Variants in MAGI2 observed in about 807,000 individuals in gnomAD.
The protein encoded by MAGI2 is membrane associated guanylate kinase, WW and PDZ domain containing 2, also known as membrane-associated guanylate kinase, WW and PDZ domain-containing protein 2.
Under a neutral mutation model 133.3 loss-of-function variants are expected in MAGI2, and 35 were observed. The ratio of observed to expected loss-of-function variants is 0.26; its 90% CI spans 0.20 to 0.35. The LOEUF is 0.35. Among genes scored for constraint, MAGI2 ranks in the 10% least tolerant of loss-of-function variants. The pLI is 1.00. For missense variants in MAGI2, 1,636 were observed against 1,863.4 expected (o/e 0.88, Z 2.25); for synonymous variants, 729 against 710.6 (o/e 1.03, Z -0.41).
At chr7:79,338,044 C>T (rs185969407) in intron 1 of MAGI2, among the ~76,000 whole-genome samples, 2 of 151,828 alleles carry the variant, frequency 1.3e-5, no homozygotes, top group Non-Finnish European at 2.9e-5. Context: ...GTTTGGCATG[C>T]GGTAAATGCT....
intron 1 of MAGI2, among the ~76,000 whole-genome samples, chr7:79,149,948 A>C (rs1171763544): frequency 6.6e-6 from 1 of 152,168 alleles, no homozygotes; most frequent in East Asian, 1.9e-4. Context: ...ATATTAAGCA[A>C]TAGGAGAGCT....
At chr7:78,124,709 G>A (rs1820797587) in intron 20 of MAGI2, among the ~76,000 whole-genome samples, 1 of 152,010 alleles carries the variant, frequency 6.6e-6, no homozygotes, top group African/African-American at 2.4e-5. Flanking sequence ...AACACACAGA[G>A]AGAGTAAAGA....
intron 2 of MAGI2, among the ~76,000 whole-genome samples, chr7:78,856,730 T>C (rs1182479985): frequency 1.3e-5 from 2 of 152,196 alleles, no homozygotes; most frequent in Non-Finnish European, 2.9e-5. Flanking sequence ...GTCTTGGCAA[T>C]GTGGGCTCTT....
intron 1 of MAGI2, among the ~76,000 whole-genome samples, chr7:79,013,167 T>G (rs907274874): frequency 1.3e-5 from 2 of 152,076 alleles, no homozygotes; most frequent in African/African-American, 4.8e-5. Flanking sequence ...AATTTGGGAT[T>G]TCTTTTGGTA....
At chr7:79,068,522 A>G (rs1309804935) in intron 1 of MAGI2, among the ~76,000 whole-genome samples, 3 of 151,706 alleles carry the variant, frequency 2.0e-5, no homozygotes, top group African/African-American at 4.9e-5. Context: ...TATTTTGTTG[A>G]TCTTTTCAAA....
intron 6 of MAGI2, among the ~76,000 whole-genome samples, chr7:78,387,969 T>TAAATA (rs2151307478): frequency 8.6e-6 from 1 of 116,330 alleles, no homozygotes; most frequent in South Asian, 2.6e-4. Flanking sequence ...AATAAATAAA[T>TAAATA]AAATAAAATA....
intron 1 of MAGI2, among the ~76,000 whole-genome samples, chr7:79,151,324 A>G (rs997991440): frequency 6.6e-6 from 1 of 152,210 alleles, no homozygotes; most frequent in Non-Finnish European, 1.5e-5. Flanking sequence ...ATTATATCAA[A>G]AGATGAACAA....
chr7:79,136,610 T>G (rs1019243198), intron 1 of MAGI2, among the ~76,000 whole-genome samples: 2 of 152,198 alleles, frequency 1.3e-5, no homozygotes, highest in Non-Finnish European at 2.9e-5. Flanking sequence ...ATGGCAAATA[T>G]TACCTCTTCT....
chr7:78,622,686 A>G (rs1807876691), intron 3 of MAGI2, among the ~76,000 whole-genome samples: 1 of 151,994 alleles, frequency 6.6e-6, no homozygotes, highest in African/African-American at 2.4e-5. Flanking sequence ...AAATGCAGCA[A>G]TTTTTATTGG....
chr7:78,511,980 G>T (rs1476917449), intron 4 of MAGI2, among the ~76,000 whole-genome samples: 2 of 151,742 alleles, frequency 1.3e-5, no homozygotes, highest in Admixed American at 1.3e-4. Flanking sequence ...AACATTAGCC[G>T]GGGGTGGTGG....
chr7:78,952,589 C>T (rs755082051), intron 2 of MAGI2, among the ~76,000 whole-genome samples: 4 of 152,022 alleles, frequency 2.6e-5, no homozygotes, highest in Non-Finnish European at 5.9e-5. Context: ...GCAGTTGAAA[C>T]AAATATTTTA....
At chr7:78,509,044 C>G (rs886339759) in intron 4 of MAGI2, among the ~76,000 whole-genome samples, 3 of 152,042 alleles carry the variant, frequency 2.0e-5, no homozygotes, top group African/African-American at 7.2e-5. Flanking sequence ...ACTGCTAAAA[C>G]GAACAGACTT....
Position 78,639,545 on chromosome 7 carries a change from T to C in MAGI2, c.419-12306A>G, listed in dbSNP as rs6969199. 5.1e-3 allele frequency among the ~76,000 whole-genome samples: 774 copies of C among 152,332 alleles called. 9 individuals carry two copies. The highest frequency in any genetic ancestry group is 0.018 in the African/African-American group (740 of 41,574). ...CTTATGTTCACGATACTAGCTATTA[T>C]ATTAGTTGATATTTTATCACACTAA... On this transcript the variant is annotated intron_variant, in intron 2 of 21. Transcript: ENST00000354212.
intron 20 of MAGI2, among the ~76,000 whole-genome samples, chr7:78,112,441 CTTAG>C (rs1057331772): frequency 1.4e-4 from 22 of 152,242 alleles, no homozygotes; most frequent in Admixed American, 1.0e-3. Context: ...TCTGCAAAAT[CTTAG>C]TTAGGCATAT....
intron 9 of MAGI2, among the ~76,000 whole-genome samples, chr7:78,302,606 C>T (rs527277536): frequency 1.3e-5 from 2 of 152,318 alleles, no homozygotes; most frequent in South Asian, 4.1e-4. Flanking sequence ...GATCTTATGG[C>T]TGCCATCCAT....
At chr7:78,427,953 C>A (rs1289100054) in intron 6 of MAGI2, among the ~76,000 whole-genome samples, 9 of 152,250 alleles carry the variant, frequency 5.9e-5, no homozygotes, top group African/African-American at 2.2e-4. Flanking sequence ...GTCTCCACCC[C>A]ATGGGAATTT....
At chr7:78,882,354 T>C (rs927929404) in intron 2 of MAGI2, among the ~76,000 whole-genome samples, 11 of 151,976 alleles carry the variant, frequency 7.2e-5, no homozygotes, top group Admixed American at 6.6e-5. Flanking sequence ...CATTGAATTC[T>C]GTTATTGAAA....
chr7:78,756,077 A>G (rs1823915920), intron 2 of MAGI2, among the ~76,000 whole-genome samples: 1 of 152,154 alleles, frequency 6.6e-6, no homozygotes, highest in African/African-American at 2.4e-5. Context: ...GAGGTCACTT[A>G]CACTCAGTGT....
At position 78,705,460 on chromosome 7, in the gene MAGI2, T is replaced by C. The variant is rs74627345; in HGVS notation, c.419-78221A>G. ...GTATTTCTTTATAGCAGTGTGAAAA[T>C]TGACTAATATACCAGTGCACCACTG... On this transcript the variant is annotated intron_variant, in intron 2 of 21. Coordinates refer to ENST00000354212, the MANE Select transcript of MAGI2 (RefSeq NM_012301.4). 1.1e-4 allele frequency among the ~76,000 whole-genome samples: 16 copies of C among 152,260 alleles called. No homozygotes were observed. In the East Asian group the frequency reaches 1.4e-3, roughly 13 times the overall value.
Sources: gnomAD v4.1 joint callset for allele counts (sites outside exome capture counted in the v4.1 genomes callset) on GRCh38, gnomAD v4.1.1 for gene constraint, MANE v1.5 for transcripts, NCBI Gene and HGNC (gene_info 2026-07-23, HGNC 2026-07-21) for gene names.